Variants in PCDH15 observed in about 807,000 individuals in gnomAD.
PCDH15 encodes the protein protocadherin-15.
In PCDH15, 129 loss-of-function variants were observed where a neutral mutation model predicts 178.5. The observed-to-expected ratio is 0.72, with a 90% CI of 0.63 to 0.84. The LOEUF is 0.84. Ranked by LOEUF, PCDH15 falls within the 40% of genes least tolerant of loss-of-function variation. The pLI is 0.00. For synonymous variants in PCDH15, 800 were observed against 732.0 expected, an observed-to-expected ratio of 1.09 and a Z score of -1.50; for missense variants, 2,230 against 2,099.9, an observed-to-expected ratio of 1.06 and a Z score of -1.21.
chr10:54,758,312 G>A (rs1269415543), intron 1 of PCDH15, among the ~76,000 whole-genome samples: 1 of 152,116 alleles, frequency 6.6e-6, no homozygotes, highest in Non-Finnish European at 1.5e-5. Context: ...GGCTATTAAT[G>A]TATGGTAAAA....
intron 1 of PCDH15, among the ~76,000 whole-genome samples, chr10:54,722,178 G>T: frequency 6.6e-6 from 1 of 151,622 alleles, no homozygotes; most frequent in Non-Finnish European, 1.5e-5. Flanking sequence ...CCTTTATGAT[G>T]AAAACCCTCA....
At chr10:54,995,170 A>G (rs990375133) in intron 2 of PCDH15, among the ~76,000 whole-genome samples, 1 of 151,934 alleles carries the variant, frequency 6.6e-6, no homozygotes, top group African/African-American at 2.4e-5. Flanking sequence ...AAGTCAGGAG[A>G]TAGAGACCAT....
chr10:54,138,762 C>T (rs929793009), intron 14 of PCDH15, among the ~76,000 whole-genome samples: 4 of 152,120 alleles, frequency 2.6e-5, no homozygotes, highest in Non-Finnish European at 5.9e-5. Context: ...CAATGGATTA[C>T]CTACTGAGGT....
At chr10:55,093,062 C>A (rs1264652657) in intron 2 of PCDH15, among the ~76,000 whole-genome samples, 1 of 151,712 alleles carries the variant, frequency 6.6e-6, no homozygotes. Context: ...AGATAAAATA[C>A]CACTGAATCA....
At chr10:54,229,185 T>C (rs2053791483) in intron 9 of PCDH15, among the ~76,000 whole-genome samples, 1 of 152,218 alleles carries the variant, frequency 6.6e-6, no homozygotes, top group South Asian at 2.1e-4. Context: ...TCAGTCATGT[T>C]ATTAGGTCAA....
At chr10:54,256,588 A>G (rs2056915647) in intron 8 of PCDH15, among the ~76,000 whole-genome samples, 1 of 152,164 alleles carries the variant, frequency 6.6e-6, no homozygotes, top group East Asian at 1.9e-4. Flanking sequence ...TTTTGGATCA[A>G]TTTGACTTTC....
intron 2 of PCDH15, among the ~76,000 whole-genome samples, chr10:55,488,718 C>T (rs568342698): frequency 2.0e-5 from 3 of 151,514 alleles, no homozygotes; most frequent in African/African-American, 7.2e-5. Context: ...AGAAGAACAA[C>T]AGTTATTGAA....
rs575334416 is a variant in PCDH15, at chr10:54,460,792, G to C, written c.157+67020C>G. 2.6e-5 allele frequency among the ~76,000 whole-genome samples: 4 copies of C among 152,212 alleles called. No homozygotes were observed. The South Asian group carries it at 8.3e-4, about 32-fold the overall frequency. On this transcript the variant is annotated intron_variant, in intron 3 of 37. Transcript: ENST00000644397. ...ATTTTATCGAGGTAGCGAGTTGAAGGATGATATGAATTTTGAACCACTGAG... is the reference window on the plus strand; with the variant it reads ...ATTTTATCGAGGTAGCGAGTTGAAGCATGATATGAATTTTGAACCACTGAG...
intron 3 of PCDH15, among the ~76,000 whole-genome samples, chr10:54,504,193 C>T (rs532453384): frequency 2.0e-5 from 3 of 152,100 alleles, no homozygotes; most frequent in Non-Finnish European, 2.9e-5. Context: ...TGGCAATTTA[C>T]TTCTAAACAC....
intron 2 of PCDH15, among the ~76,000 whole-genome samples, chr10:54,584,084 A>G (rs1029604395): frequency 6.6e-6 from 1 of 152,144 alleles, no homozygotes; most frequent in South Asian, 2.1e-4. Flanking sequence ...TCACCTCATT[A>G]TTACATAATA....
intron 3 of PCDH15, among the ~76,000 whole-genome samples, chr10:54,411,700 C>A (rs1953544641): frequency 6.6e-6 from 1 of 152,072 alleles, no homozygotes; most frequent in African/African-American, 2.4e-5. Context: ...GATATCAGTA[C>A]TTTTGATATA....
Position 54,965,068 on chromosome 10 carries a change from TTAAG to T in PCDH15, c.-79-67572_-79-67569del, listed in dbSNP as rs151272519. Among the ~76,000 whole-genome samples the T allele has an allele frequency of 1.8e-3, 271 of 152,340 alleles. 1 individual carries two copies. Among genetic ancestry groups the T allele is most frequent in the African/African-American group, 6.3e-3 (262 of 41,566 alleles). On this transcript the variant is annotated intron_variant, in intron 2 of 5. Coordinates refer to the PCDH15 transcript ENST00000458638. ...GAGAATATTAGCTATAAGCTGCATA[TTAAG>T]TATGTACATATTAATCTAAGCATAA...
At chr10:54,705,128 C>T (rs1455667981) in intron 1 of PCDH15, among the ~76,000 whole-genome samples, 2 of 152,080 alleles carry the variant, frequency 1.3e-5, no homozygotes, top group Admixed American at 6.6e-5. Context: ...TTTGAGTACT[C>T]ATGGACACAA....
intron 18 of PCDH15, among the ~76,000 whole-genome samples, chr10:54,026,645 T>G (rs1394865679): frequency 6.6e-6 from 1 of 152,210 alleles, no homozygotes; most frequent in Admixed American, 6.5e-5. Flanking sequence ...CTGGATTACA[T>G]TTACTGATTT....
intron 3 of PCDH15, among the ~76,000 whole-genome samples, chr10:54,516,656 A>G (rs1487267930): frequency 6.6e-6 from 1 of 152,128 alleles, no homozygotes; most frequent in Non-Finnish European, 1.5e-5. Context: ...ATCCAGGAGA[A>G]CTTCCCCAAC....
intron 2 of PCDH15, among the ~76,000 whole-genome samples, chr10:55,027,501 A>G (rs2131962364): frequency 6.6e-6 from 1 of 152,010 alleles, no homozygotes; most frequent in Non-Finnish European, 1.5e-5. Flanking sequence ...TATGAAAAGT[A>G]GGTGAAGTTG....
Position 54,295,168 on chromosome 10 carries a change from G to A in PCDH15, c.876+22103C>T, listed in dbSNP as rs180716759. On this transcript the variant is annotated intron_variant, in intron 8 of 37. Transcript: ENST00000644397. ...GTGAAGCCAGCTGAGCTTCTGGGCCGGATGGGGATTTGGAGAACTTTTGTG... is the reference window on the plus strand; with the variant it reads ...GTGAAGCCAGCTGAGCTTCTGGGCCAGATGGGGATTTGGAGAACTTTTGTG... Among the ~76,000 whole-genome samples, 84 of 152,262 alleles carry A rather than the reference G, an allele frequency of 5.5e-4. 1 individual carries two copies. Among genetic ancestry groups the A allele is most frequent in the South Asian group, 2.9e-3 (14 of 4,822 alleles).
chr10:54,064,683 C>T (rs929114808), intron 18 of PCDH15, among the ~76,000 whole-genome samples: 1 of 152,222 alleles, frequency 6.6e-6, no homozygotes, highest in Non-Finnish European at 1.5e-5. Context: ...TCAGCACCAA[C>T]CCAAGCACGC....
intron 5 of PCDH15, among the ~76,000 whole-genome samples, chr10:54,362,871 TA>T (rs1170715144): frequency 6.6e-6 from 1 of 152,104 alleles, no homozygotes; most frequent in Non-Finnish European, 1.5e-5. Flanking sequence ...TATCAAGTTT[TA>T]AAAAGTGTTT....
Sources: gnomAD v4.1 joint callset for allele counts (sites outside exome capture counted in the v4.1 genomes callset) on GRCh38, gnomAD v4.1.1 for gene constraint, MANE v1.5 for transcripts, NCBI Gene and HGNC (gene_info 2026-07-23, HGNC 2026-07-21) for gene names.